The following XRCC4 variants were observed in gnomAD, a reference collection of about 807,000 sequenced individuals.
XRCC4 encodes the protein X-ray repair cross complementing 4, also known as DNA repair protein XRCC4.
A neutral mutation model predicts 39.1 loss-of-function variants in XRCC4; 28 were observed. The observed-to-expected ratio is 0.72, with a 90% CI of 0.53 to 0.98. The LOEUF is 0.98. XRCC4 is among the 50% of genes least tolerant of loss of function. The probability of loss-of-function intolerance (pLI) is 0.00; values close to 1 mark genes in which losing one functional copy is unlikely to be tolerated. For synonymous variants in XRCC4, 123 were observed against 126.4 expected (o/e 0.97, Z 0.18); for missense variants, 350 against 376.4 (o/e 0.93, Z 0.58).
the XRCC4 span, among the ~76,000 whole-genome samples, chr5:83,359,245 A>G: frequency 4.6e-5 from 7 of 152,136 alleles, no homozygotes; most frequent in Non-Finnish European, 7.4e-5. Context: ...TGAGTGCCAA[A>G]GGAATGGCTG....
rs193113688 is a variant in XRCC4 at position 83,284,612 on chromosome 5, A to G, written c.893+25935A>G. 6.4e-4 allele frequency among the ~76,000 whole-genome samples: 98 copies of G among 152,218 alleles called. 1 individual carries two copies. The highest frequency in any genetic ancestry group is 3.4e-3 in the Middle Eastern group (1 of 294). On this transcript the variant is annotated intron_variant, in intron 7 of 7. Transcript: ENST00000396027. ...TTGTTCATTTACTCTAGGATTGAGC[A>G]TAGAAGCTCATAGATGTAAAATGGA...
At chr5:83,179,610 T>A (rs912658863) in intron 3 of XRCC4, among the ~76,000 whole-genome samples, 1 of 152,166 alleles carries the variant, frequency 6.6e-6, no homozygotes, top group African/African-American at 2.4e-5. Context: ...AAATGTCTTC[T>A]ATGCCCCAGC....
At chr5:83,284,644 T>C (rs950028866) in intron 7 of XRCC4, among the ~76,000 whole-genome samples, 1 of 152,156 alleles carries the variant, frequency 6.6e-6, no homozygotes, top group Non-Finnish European at 1.5e-5. Flanking sequence ...TGGAATTTGA[T>C]TTGTAAACAA....
At chr5:83,194,231 C>G (rs1291572180) in intron 3 of XRCC4, among the ~76,000 whole-genome samples, 1 of 152,176 alleles carries the variant, frequency 6.6e-6, no homozygotes, top group Non-Finnish European at 1.5e-5. Context: ...CAGGAGTGAG[C>G]CACTGTGCTC....
the XRCC4 span, among the ~76,000 whole-genome samples, chr5:83,366,788 T>C: frequency 7.5e-5 from 11 of 146,142 alleles, no homozygotes; most frequent in African/African-American, 3.1e-4. Flanking sequence ...GCAGGAAAGC[T>C]TTCCCTTAGA....
chr5:83,134,373 A>C (rs907148985), intron 3 of XRCC4, among the ~76,000 whole-genome samples: 18 of 152,192 alleles, frequency 1.2e-4, no homozygotes, highest in African/African-American at 4.3e-4. Context: ...TTGTAAATGC[A>C]CCATTCAGCA....
chr5:83,280,454 A>C, intron 7 of XRCC4: 1 of 727,620 alleles, frequency 1.4e-6, no homozygotes, highest in Non-Finnish European at 2.5e-6. Context: ...GTTCTTGCAC[A>C]TATCTCCTTA....
At chr5:83,313,257 C>T (rs1755767806) in intron 7 of XRCC4, among the ~76,000 whole-genome samples, 2 of 152,032 alleles carry the variant, frequency 1.3e-5, no homozygotes, top group African/African-American at 4.8e-5. Flanking sequence ...TTAGAAAGCA[C>T]TTTTCTGACA....
intron 7 of XRCC4, among the ~76,000 whole-genome samples, chr5:83,268,183 C>T (rs1754021522): frequency 6.6e-6 from 1 of 152,118 alleles, no homozygotes; most frequent in Admixed American, 6.6e-5. Context: ...TTGGAAGGAA[C>T]AGCAGGGATG....
rs115604375 is a variant in XRCC4 at position 83,153,406 on chromosome 5, A to G, written c.315+42203A>G. Among the ~76,000 whole-genome samples, 622 of 152,220 alleles carry G rather than the reference A, an allele frequency of 4.1e-3. 2 individuals carry two copies. Among genetic ancestry groups the G allele is most frequent in the African/African-American group, 0.011 (474 of 41,532 alleles). ...GTATTTTAGTAGATAGGGTTTCACC[A>G]CGTTGGCCAGACTTGTTATTATATA... On this transcript the variant is annotated intron_variant, in intron 3 of 7. Coordinates refer to ENST00000396027, the MANE Select transcript of XRCC4 (RefSeq NM_003401.5).
chr5:83,143,901 C>T (rs927293293), intron 3 of XRCC4, among the ~76,000 whole-genome samples: 2 of 151,282 alleles, frequency 1.3e-5, no homozygotes, highest in Non-Finnish European at 3.0e-5. Context: ...TAGGAGTTTT[C>T]TTTCTTTTTT....
chr5:83,348,092 G>A (rs750244996), intron 7 of XRCC4, among the ~76,000 whole-genome samples: 4 of 152,132 alleles, frequency 2.6e-5, no homozygotes, highest in African/African-American at 9.7e-5. Context: ...GGCTCTCCAG[G>A]GTACAGCCCC....
chr5:83,227,684 G>A (rs1469194819), intron 6 of XRCC4, among the ~76,000 whole-genome samples: 3 of 151,972 alleles, frequency 2.0e-5, no homozygotes, highest in South Asian at 4.1e-4. Flanking sequence ...CACATAACAA[G>A]TTTGAACATG....
chr5:83,207,926 T>A (rs970746616), intron 6 of XRCC4, among the ~76,000 whole-genome samples: 1 of 152,046 alleles, frequency 6.6e-6, no homozygotes, highest in African/African-American at 2.4e-5. Flanking sequence ...GAATTTATTT[T>A]AGATATTGCA....
At chr5:83,258,906 G>T in intron 7 of XRCC4, 1 of 459,432 alleles carries the variant, frequency 2.2e-6, no homozygotes. Flanking sequence ...TTTTTCTCAT[G>T]GTTTTTATAG....
intron 1 of XRCC4, among the ~76,000 whole-genome samples, chr5:83,087,834 TG>T (rs1485042523): frequency 6.6e-6 from 1 of 152,196 alleles, no homozygotes; most frequent in Non-Finnish European, 1.5e-5. Context: ...CTACATGCCT[TG>T]TTAAAATGAA....
At chr5:83,294,708 A>T (rs1340701214) in intron 7 of XRCC4, among the ~76,000 whole-genome samples, 1 of 152,060 alleles carries the variant, frequency 6.6e-6, no homozygotes, top group Non-Finnish European at 1.5e-5. Context: ...TGGTTAAAAG[A>T]TCATGTATCA....
downstream of XRCC4, chr5:83,356,848 G>GT (rs1757195837): frequency 3.0e-6 from 1 of 330,986 alleles, no homozygotes; most frequent in Non-Finnish European, 6.1e-6. Context: ...ATTTCTGAAG[G>GT]TTTTTTCATC....
chr5:83,326,480 A>G (rs1442306058), intron 7 of XRCC4, among the ~76,000 whole-genome samples: 1 of 152,082 alleles, frequency 6.6e-6, no homozygotes, highest in Non-Finnish European at 1.5e-5. Context: ...TTTAACCATG[A>G]TTAAAAGAAA....
Sources: allele counts gnomAD v4.1 joint callset (sites outside exome capture counted in the v4.1 genomes callset), GRCh38; gene constraint gnomAD v4.1.1; transcripts MANE v1.5; gene names NCBI Gene and HGNC (gene_info 2026-07-23, HGNC 2026-07-21).